Variants in ERICH1 observed in about 807,000 individuals in gnomAD.
ERICH1 encodes glutamate rich 1.
A neutral mutation model predicts 39.6 loss-of-function variants in ERICH1; 56 were observed. The observed-to-expected ratio is 1.41, with a 90% CI of 1.14 to 1.77. The LOEUF (loss-of-function observed/expected upper bound fraction) is 1.77, where lower values mean the gene tolerates loss of function less well. ERICH1 is among the 40% of genes most tolerant of loss of function. The pLI, the probability that ERICH1 is intolerant of heterozygous loss-of-function variation, is 0.00. For missense variants in ERICH1, 826 were observed against 575.4 expected, an observed-to-expected ratio of 1.44 and a Z score of -4.45; for synonymous variants, 313 against 223.6, an observed-to-expected ratio of 1.40 and a Z score of -3.57.
At chr8:625,729 G>C (rs1454066166) in intron 3 of ERICH1, 1 of 152,200 alleles carries the variant, frequency 6.6e-6, no homozygotes, top group East Asian at 1.9e-4. Flanking sequence ...GCTTAAACCT[G>C]CTTCTGAACC....
At chr8:701,219 C>A (rs1038600461) in intron 2 of ERICH1, among the ~76,000 whole-genome samples, 1 of 151,466 alleles carries the variant, frequency 6.6e-6, no homozygotes, top group African/African-American at 2.4e-5. Context: ...CCCTGCTGGA[C>A]GGGAGCACGC....
At chr8:634,823 G>A (rs968145252) in intron 3 of ERICH1, among the ~76,000 whole-genome samples, 1 of 152,220 alleles carries the variant, frequency 6.6e-6, no homozygotes, top group African/African-American at 2.4e-5. Flanking sequence ...GAAAATCAGG[G>A]AAAGGTTCTT....
intron 2 of ERICH1, among the ~76,000 whole-genome samples, chr8:710,128 C>T (rs1034218051): frequency 1.3e-5 from 2 of 152,208 alleles, no homozygotes; most frequent in South Asian, 2.1e-4. Context: ...CGCTGACACA[C>T]GTTGCCACCC....
intron 2 of ERICH1, among the ~76,000 whole-genome samples, chr8:695,315 C>G (rs1242727705): frequency 2.0e-5 from 3 of 152,016 alleles, no homozygotes; most frequent in Non-Finnish European, 4.4e-5. Flanking sequence ...CTCCCCACAG[C>G]CCTTGCCCTT....
At chr8:683,480 C>T (rs1008282563) in intron 3 of ERICH1, among the ~76,000 whole-genome samples, 1 of 152,146 alleles carries the variant, frequency 6.6e-6, no homozygotes, top group African/African-American at 2.4e-5. Flanking sequence ...TGAAGAGTTC[C>T]CTGTCACTTT....
Position 637,878 on chromosome 8 carries a change from A to G in ERICH1, c.977-22594T>C, listed in dbSNP as rs555280165. On this transcript the variant is annotated intron_variant, in intron 3 of 3. Transcript: ENST00000522706. ...CAGCAGCCAGGGTCCTGCTCTCAAC[A>G]TGTAGCCTGCTCTGGCCACTGCAGG... Among the ~76,000 whole-genome samples, 114 of 152,244 alleles carry G rather than the reference A, an allele frequency of 7.5e-4. 1 individual carries two copies. The highest frequency in any genetic ancestry group is 5.6e-4 in the Non-Finnish European group (38 of 68,020).
chr8:727,292 G>C (rs1337736076), intron 1 of ERICH1, among the ~76,000 whole-genome samples: 1 of 152,176 alleles, frequency 6.6e-6, no homozygotes, highest in Non-Finnish European at 1.5e-5. Context: ...CCTACACACA[G>C]ACATCTCTCC....
At chr8:617,750 T>C (rs912878160) in intron 3 of ERICH1, among the ~76,000 whole-genome samples, 1 of 150,740 alleles carries the variant, frequency 6.6e-6, no homozygotes, top group Admixed American at 6.6e-5. Context: ...GTGCTCAGTC[T>C]GTCCTCACTG....
At chr8:649,134 T>G (rs112201664) in intron 3 of ERICH1, among the ~76,000 whole-genome samples, 2,548 of 68,400 alleles carry the variant, frequency 0.037, 872 homozygotes, top group African/African-American at 0.088. Context: ...TGATCTGAGT[T>G]ACTGCCTGTA....
intron 2 of ERICH1, among the ~76,000 whole-genome samples, chr8:707,113 G>T (rs1318181814): frequency 1.3e-5 from 2 of 151,764 alleles, no homozygotes; most frequent in Non-Finnish European, 2.9e-5. Context: ...CAAGATGGTG[G>T]ATGGTACAGA....
intron 3 of ERICH1, among the ~76,000 whole-genome samples, chr8:625,482 GGTGCAT>G (rs1160356146): frequency 7.9e-5 from 12 of 152,208 alleles, no homozygotes; most frequent in Middle Eastern, 3.4e-3. Flanking sequence ...ACGGGGTCTG[GGTGCAT>G]GGTGAGGTCT....
chr8:730,987 G>A (rs1355746314), intron 1 of ERICH1, among the ~76,000 whole-genome samples, 153 bp downstream of exon 1: 1 of 150,434 alleles, frequency 6.6e-6, no homozygotes, highest in Admixed American at 6.6e-5. Context: ...AAGAGCGGGG[G>A]ATGGGTAGGG....
Position 668,722 on chromosome 8 carries a change from T to C in ERICH1, c.1134A>G (p.Ser378=), listed in dbSNP as rs1802681770. ...ACACGTCTGAGGGCAGCATGCTGTG[T>C]GACGCAAGGCGGTCCAGCAGCTCCT... ...AAEELLDRLA[S]HSMLPSDVSI... The change falls in exon 5 of 6, where the codon TCA becomes TCG. Residue 378 remains serine, a synonymous_variant. Transcript: ENST00000262109. The C allele has an allele frequency of 6.2e-7, 1 of 1,613,920 alleles. No individual in the cohort carries two copies. Among genetic ancestry groups the C allele is most frequent in the African/African-American group, 1.3e-5 (1 of 75,068 alleles).
chr8:647,540 C>G lies in ERICH1; in HGVS notation c.976+21058G>C, dbSNP rs568612099. Among the ~76,000 whole-genome samples, 2 of 67,580 alleles carry G rather than the reference C, an allele frequency of 3.0e-5. 1 individual carries two copies. Among genetic ancestry groups the G allele is most frequent in the African/African-American group, 7.7e-5 (2 of 25,924 alleles). 44.3% of individuals were successfully genotyped at this position (67,580 alleles called of 152,430 possible). On this transcript the variant is annotated intron_variant, in intron 3 of 3. Transcript: ENST00000522706. ...AAAAGAAATTTAAATTTTAAAAGAACTTGAAATTTGACAAGGAAACAGTGA... is the reference window on the plus strand; with the variant it reads ...AAAAGAAATTTAAATTTTAAAAGAAGTTGAAATTTGACAAGGAAACAGTGA...
At chr8:662,679 A>G (rs1000752721), downstream of ERICH1, among the ~76,000 whole-genome samples, 6 of 152,358 alleles carry the variant, frequency 3.9e-5, no homozygotes, top group African/African-American at 1.4e-4. Flanking sequence ...AAATAAAAAA[A>G]GAAGCATTTA....
In ERICH1 at chr8:700,365, C is replaced by T. The variant is rs1811735440; in HGVS notation, c.170-7753G>A. On this transcript the variant is annotated intron_variant, in intron 2 of 5. Coordinates refer to ENST00000262109, the MANE Select transcript of ERICH1 (RefSeq NM_207332.3). Reference sequence around the variant, plus strand: ...CACAGATCCGCACACGCGCACAGGCCCGCACAGGCGCACAGGCCCGCACAC... The same window carrying T: ...CACAGATCCGCACACGCGCACAGGCTCGCACAGGCGCACAGGCCCGCACAC... Among the ~76,000 whole-genome samples, 3 of 104,014 alleles carry T rather than the reference C, an allele frequency of 2.9e-5. 1 individual carries two copies. Among genetic ancestry groups the T allele is most frequent in the African/African-American group, 9.4e-5 (3 of 31,842 alleles). 68.2% of individuals were successfully genotyped at this position (104,014 alleles called of 152,430 possible).
chr8:684,015 T>C (rs768362492), intron 3 of ERICH1, among the ~76,000 whole-genome samples: 3 of 152,268 alleles, frequency 2.0e-5, no homozygotes, highest in Non-Finnish European at 4.4e-5. Flanking sequence ...CATGTTTACA[T>C]GTTTGAGTCT....
chr8:653,424 C>T (rs927819101), intron 3 of ERICH1, among the ~76,000 whole-genome samples: 2 of 152,220 alleles, frequency 1.3e-5, no homozygotes, highest in African/African-American at 2.4e-5. Flanking sequence ...GCGTAGACTG[C>T]CGAGTGTTCA....
chr8:638,084 G>T (rs913017715), intron 3 of ERICH1, among the ~76,000 whole-genome samples: 1 of 152,238 alleles, frequency 6.6e-6, no homozygotes, highest in East Asian at 1.9e-4. Flanking sequence ...TTACATCGGT[G>T]ACCTGGGGCA....
Sources: allele counts gnomAD v4.1 joint callset (sites outside exome capture counted in the v4.1 genomes callset), GRCh38; gene constraint gnomAD v4.1.1; transcripts MANE v1.5; gene names NCBI Gene and HGNC (gene_info 2026-07-23, HGNC 2026-07-21).